AKAP19: variants seen among roughly 807,000 people sequenced by gnomAD.
AKAP19 encodes the protein A-kinase anchoring protein 19, also known as small A-kinase anchoring protein.
chr2:190,201,046 A>G, the AKAP19 span: 1 of 153,570 alleles, frequency 6.5e-6, no homozygotes. Flanking sequence ...GGTCACCATT[A>G]AAATAGACCA....
chr2:189,994,593 GTTATTA>G, the AKAP19 span, among the ~76,000 whole-genome samples: 4 of 150,648 alleles, frequency 2.7e-5, no homozygotes, highest in Non-Finnish European at 5.9e-5. Context: ...TATTATTATT[GTTATTA>G]TTATTATTAT....
the AKAP19 span, among the ~76,000 whole-genome samples, chr2:190,128,704 G>A: frequency 6.6e-6 from 1 of 152,112 alleles, no homozygotes; most frequent in Admixed American, 6.5e-5. Flanking sequence ...TTCTTTGCAT[G>A]TGTTTATGTT....
chr2:190,185,025 A>C, the AKAP19 span, among the ~76,000 whole-genome samples: 1 of 152,174 alleles, frequency 6.6e-6, no homozygotes, highest in Non-Finnish European at 1.5e-5. Context: ...AAATTTTCTG[A>C]ATTTCTTGGT....
the AKAP19 span, among the ~76,000 whole-genome samples, chr2:190,133,398 C>T: frequency 6.6e-6 from 1 of 151,994 alleles, no homozygotes; most frequent in African/African-American, 2.4e-5. Context: ...TATCACCTGA[C>T]ACCTATTAGG....
the AKAP19 span, among the ~76,000 whole-genome samples, chr2:189,952,251 T>C: frequency 6.6e-6 from 1 of 152,200 alleles, no homozygotes; most frequent in African/African-American, 2.4e-5. Context: ...CTGTCTTATG[T>C]TAGTTTAATT....
chr2:189,906,135 A>T, the AKAP19 span, among the ~76,000 whole-genome samples: 1 of 152,080 alleles, frequency 6.6e-6, no homozygotes, highest in Non-Finnish European at 1.5e-5. Flanking sequence ...TCATTATGTG[A>T]GGACAATTAT....
chr2:189,897,735 G>A, the AKAP19 span, among the ~76,000 whole-genome samples: 2 of 152,018 alleles, frequency 1.3e-5, no homozygotes, highest in Non-Finnish European at 2.9e-5. Context: ...ATTTCTTGGG[G>A]CAAATTAATT....
chr2:190,030,772 G>T, the AKAP19 span, among the ~76,000 whole-genome samples: 1 of 152,212 alleles, frequency 6.6e-6, no homozygotes, highest in Non-Finnish European at 1.5e-5. Flanking sequence ...TGTCATGTTT[G>T]TGACTTCTGG....
chr2:190,048,782 G>A, the AKAP19 span, among the ~76,000 whole-genome samples: 6 of 151,808 alleles, frequency 4.0e-5, no homozygotes, highest in African/African-American at 1.5e-4. Flanking sequence ...ATGTCCATTG[G>A]GCATCATTCT....
the AKAP19 span, among the ~76,000 whole-genome samples, chr2:190,127,435 T>G: frequency 2.6e-5 from 4 of 151,782 alleles, no homozygotes; most frequent in Non-Finnish European, 5.9e-5. Context: ...AATAATGGAT[T>G]TATGGATAAT....
At chr2:189,897,828 G>A in the AKAP19 span, among the ~76,000 whole-genome samples, 2 of 152,078 alleles carry the variant, frequency 1.3e-5, no homozygotes, top group African/African-American at 4.8e-5. Context: ...CTCTGAATGG[G>A]TAACAGTGTT....
chr2:190,066,294 G>T, the AKAP19 span, among the ~76,000 whole-genome samples: 4 of 152,116 alleles, frequency 2.6e-5, no homozygotes, highest in South Asian at 2.1e-4. Context: ...AATGTTGAGG[G>T]TATAAACAAT....
chr2:189,900,787 G>A, the AKAP19 span, among the ~76,000 whole-genome samples: 48 of 152,310 alleles, frequency 3.2e-4, no homozygotes, highest in Middle Eastern at 3.4e-3. Context: ...ATTAGAGAAA[G>A]TATGAAAATG....
At chr2:190,118,706 T>C in the AKAP19 span, among the ~76,000 whole-genome samples, 31 of 152,194 alleles carry the variant, frequency 2.0e-4, no homozygotes, top group Admixed American at 9.8e-4. Context: ...TAGGTATTGA[T>C]GGGACTTATC....
the AKAP19 span, among the ~76,000 whole-genome samples, chr2:189,968,588 G>T: frequency 6.6e-6 from 1 of 152,126 alleles, no homozygotes; most frequent in Non-Finnish European, 1.5e-5. Flanking sequence ...AACAAAGATT[G>T]TCTGGGATAA....
the AKAP19 span, among the ~76,000 whole-genome samples, chr2:190,087,004 C>T: frequency 6.6e-6 from 1 of 152,080 alleles, no homozygotes; most frequent in Non-Finnish European, 1.5e-5. Flanking sequence ...AAGAGCACAA[C>T]ATTGTGAGGT....
the AKAP19 span, among the ~76,000 whole-genome samples, chr2:189,920,951 T>C: frequency 6.6e-6 from 1 of 152,192 alleles, no homozygotes; most frequent in Non-Finnish European, 1.5e-5. Flanking sequence ...GCAAAGTCAA[T>C]TGCTACACCT....
chr2:190,185,734 CAGTT>C, the AKAP19 span, among the ~76,000 whole-genome samples: 2 of 152,182 alleles, frequency 1.3e-5, no homozygotes, highest in Non-Finnish European at 2.9e-5. Flanking sequence ...GCCTGTTCAA[CAGTT>C]AGTCTATCAT....
chr2:190,023,076 G>T, the AKAP19 span, among the ~76,000 whole-genome samples: 4 of 152,024 alleles, frequency 2.6e-5, no homozygotes, highest in Non-Finnish European at 5.9e-5. Context: ...GAGCAGAAAT[G>T]CTTCCAAACT....
Sources: gnomAD v4.1 joint callset for allele counts (sites outside exome capture counted in the v4.1 genomes callset) on GRCh38, gnomAD v4.1.1 for gene constraint, MANE v1.5 for transcripts, NCBI Gene and HGNC (gene_info 2026-07-23, HGNC 2026-07-21) for gene names.